Variants in WWTR1 observed in about 807,000 individuals in gnomAD.
WWTR1 encodes the protein WW domain-containing transcription regulator protein 1.
A neutral mutation model predicts 40.1 loss-of-function variants in WWTR1; 13 were observed. The ratio of observed to expected loss-of-function variants is 0.32; its 90% CI spans 0.21 to 0.52. The LOEUF (loss-of-function observed/expected upper bound fraction) is 0.52, where lower values mean the gene tolerates loss of function less well. WWTR1 is among the 20% of genes least tolerant of loss of function. The probability of loss-of-function intolerance (pLI) is 0.97; values close to 1 mark genes in which losing one functional copy is unlikely to be tolerated. For missense variants in WWTR1, 436 were observed against 523.1 expected (o/e 0.83, Z 1.63); for synonymous variants, 230 against 210.1 (o/e 1.09, Z -0.82).
chr3:149,716,978 C>A (rs1447068347), intron 5 of WWTR1, among the ~76,000 whole-genome samples: 1 of 152,078 alleles, frequency 6.6e-6, no homozygotes, highest in Non-Finnish European at 1.5e-5. Context: ...GAGTTCGAGA[C>A]CAGACTGGGC....
Position 149,623,092 on chromosome 3 carries a change from T to A in WWTR1, c.431+33784A>T, listed in dbSNP as rs184661886. On this transcript the variant is annotated intron_variant, in intron 2 of 6. Coordinates refer to ENST00000360632, the MANE Select transcript of WWTR1 (RefSeq NM_015472.6). ...GAGAATGTTTATCAGCTGGGCACGG[T>A]GGCTTATGCCTGTAATCCCAGCACT... Among the ~76,000 whole-genome samples, 157 of 152,330 alleles carry A rather than the reference T, an allele frequency of 1.0e-3. 1 individual carries two copies. In the South Asian group the frequency reaches 0.012, roughly 12 times the overall value.
intron 4 of WWTR1, among the ~76,000 whole-genome samples, chr3:149,536,354 A>C (rs548565815): frequency 1.3e-5 from 2 of 152,196 alleles, no homozygotes; most frequent in South Asian, 2.1e-4. Flanking sequence ...TGCTTTTCTA[A>C]AAGTTAAATA....
upstream of WWTR1, among the ~76,000 whole-genome samples, chr3:149,706,255 T>C (rs1409331068): frequency 6.6e-6 from 1 of 152,206 alleles, no homozygotes; most frequent in Non-Finnish European, 1.5e-5. Flanking sequence ...ATGTAAATTT[T>C]TCGTGCACAT....
intron 2 of WWTR1, among the ~76,000 whole-genome samples, chr3:149,655,651 A>G (rs1251827075): frequency 6.6e-6 from 1 of 152,170 alleles, no homozygotes; most frequent in East Asian, 1.9e-4. Flanking sequence ...ACAACAAAAG[A>G]ACTCCTTGGA....
intron 4 of WWTR1, among the ~76,000 whole-genome samples, chr3:149,536,755 TAA>T (rs5853412): frequency 0.089 from 12,735 of 142,294 alleles, 1,242 homozygotes; most frequent in African/African-American, 0.23. Context: ...ACCCCCAAAT[TAA>T]AAAAAAAAAA....
intron 2 of WWTR1, among the ~76,000 whole-genome samples, chr3:149,590,837 G>A (rs1304300552): frequency 1.3e-5 from 2 of 152,172 alleles, no homozygotes; most frequent in Admixed American, 6.5e-5. Flanking sequence ...GAAGGAAAAG[G>A]GGAGGTGGAC....
intron 5 of WWTR1, among the ~76,000 whole-genome samples, chr3:149,716,358 G>A (rs1238052495): frequency 6.6e-6 from 1 of 151,906 alleles, no homozygotes; most frequent in African/African-American, 2.4e-5. Context: ...CTACAGCCTG[G>A]GTGACAAAGG....
chr3:149,719,204 T>C (rs1038789655), intron 4 of WWTR1, among the ~76,000 whole-genome samples: 3 of 151,884 alleles, frequency 2.0e-5, no homozygotes, highest in African/African-American at 7.3e-5. Flanking sequence ...AGTCTCACTC[T>C]GTTGCCCAGG....
At chr3:149,603,374 A>G (rs1159018793) in intron 2 of WWTR1, among the ~76,000 whole-genome samples, 1 of 152,256 alleles carries the variant, frequency 6.6e-6, no homozygotes, top group Non-Finnish European at 1.5e-5. Flanking sequence ...AGGCTTCACA[A>G]GGAATTTTGA....
At chr3:149,530,736 T>C (rs1399931245) in intron 4 of WWTR1, among the ~76,000 whole-genome samples, 1 of 152,128 alleles carries the variant, frequency 6.6e-6, no homozygotes, top group Non-Finnish European at 1.5e-5. Flanking sequence ...TTGTTCCATC[T>C]GTTCTAAATC....
At chr3:149,615,587 AT>A (rs1425851436) in intron 2 of WWTR1, among the ~76,000 whole-genome samples, 1 of 152,234 alleles carries the variant, frequency 6.6e-6, no homozygotes, top group Admixed American at 6.5e-5. Context: ...ACGAATCAGT[AT>A]TTCGTACCCA....
chr3:149,625,679 T>A (rs1348636527), intron 2 of WWTR1, among the ~76,000 whole-genome samples: 1 of 151,608 alleles, frequency 6.6e-6, no homozygotes, highest in East Asian at 2.0e-4. Flanking sequence ...TAATCCCAGC[T>A]ACTTGGAAGG....
intron 2 of WWTR1, among the ~76,000 whole-genome samples, chr3:149,574,211 A>AT (rs1388133677): frequency 6.6e-6 from 1 of 151,502 alleles, no homozygotes; most frequent in Non-Finnish European, 1.5e-5. Flanking sequence ...TTTTTAAAAA[A>AT]TTTTTTTTGT....
chr3:149,591,764 A>T (rs1311596239), intron 2 of WWTR1, among the ~76,000 whole-genome samples: 1 of 152,210 alleles, frequency 6.6e-6, no homozygotes, highest in Non-Finnish European at 1.5e-5. Context: ...AATTGTAGTC[A>T]TTTTAAATGA....
At chr3:149,668,857 C>T in intron 2 of WWTR1, among the ~76,000 whole-genome samples, 1 of 152,122 alleles carries the variant, frequency 6.6e-6, no homozygotes, top group East Asian at 1.9e-4. Flanking sequence ...AGTGTTTGAA[C>T]ACCCCACAAA....
intron 4 of WWTR1, among the ~76,000 whole-genome samples, chr3:149,536,403 A>C (rs1442527200): frequency 1.3e-5 from 2 of 151,966 alleles, no homozygotes; most frequent in Admixed American, 1.3e-4. Flanking sequence ...AATAGCCTAC[A>C]TTTATGCTTC....
intron 4 of WWTR1, among the ~76,000 whole-genome samples, chr3:149,536,415 T>C (rs539680896): frequency 1.3e-5 from 2 of 152,154 alleles, no homozygotes; most frequent in East Asian, 3.9e-4. Flanking sequence ...TTATGCTTCA[T>C]GATCTGCTCC....
chr3:149,652,247 A>G (rs1189616576), intron 2 of WWTR1, among the ~76,000 whole-genome samples: 1 of 151,942 alleles, frequency 6.6e-6, no homozygotes, highest in Non-Finnish European at 1.5e-5. Context: ...TGTGGAAAGC[A>G]ACATTGTCAA....
At chr3:149,654,333 A>G (rs1211976258) in intron 2 of WWTR1, among the ~76,000 whole-genome samples, 1 of 152,228 alleles carries the variant, frequency 6.6e-6, no homozygotes, top group African/African-American at 2.4e-5. Flanking sequence ...AAACTCTACA[A>G]GAAATTCAGA....
Sources: gnomAD v4.1 joint callset for allele counts (sites outside exome capture counted in the v4.1 genomes callset) on GRCh38, gnomAD v4.1.1 for gene constraint, MANE v1.5 for transcripts, NCBI Gene and HGNC (gene_info 2026-07-23, HGNC 2026-07-21) for gene names.